The following EPB41L4B variants were observed in gnomAD, a reference collection of about 807,000 sequenced individuals.
EPB41L4B encodes the protein band 4.1-like protein 4B.
In EPB41L4B, 30 loss-of-function variants were observed where a neutral mutation model predicts 112.5. The observed-to-expected ratio is 0.27, with a 90% CI of 0.20 to 0.36. The LOEUF is 0.36. Among genes scored for constraint, EPB41L4B ranks in the 10% least tolerant of loss-of-function variants. The pLI is 1.00. For synonymous variants in EPB41L4B, 408 were observed against 439.7 expected, an observed-to-expected ratio of 0.93 and a Z score of 0.90; for missense variants, 1,024 against 1,133.3, an observed-to-expected ratio of 0.90 and a Z score of 1.38.
rs1336800223 is a variant in EPB41L4B at position 109,176,704 on chromosome 9, A to C, written c.2488-8T>G. 6.2e-7 allele frequency: 1 copy of C among 1,613,128 alleles called. No individual in the cohort carries two copies. The highest frequency in any genetic ancestry group is 1.3e-5 in the African/African-American group (1 of 75,006). Reference sequence around the variant, plus strand: ...ACTGTCTCTGAAGTCTGCCTGGAGAAGAAACAGGAAAGAGGAGATCAATCT... The same window carrying C: ...ACTGTCTCTGAAGTCTGCCTGGAGACGAAACAGGAAAGAGGAGATCAATCT... On this transcript the variant is annotated splice_polypyrimidine_tract_variant and splice_region_variant and intron_variant, in intron 24 of 25. Coordinates refer to ENST00000374566, the MANE Select transcript of EPB41L4B (RefSeq NM_019114.5).
rs564541975 is a variant in EPB41L4B, at chr9:109,248,199, G to A, written c.1311-410C>T. On this transcript the variant is annotated intron_variant, in intron 13 of 25. Coordinates refer to ENST00000374566, the MANE Select transcript of EPB41L4B (RefSeq NM_019114.5). ...AGTGATGCGCAGAGCCTCTTCCCAC[G>A]GCAGGGGGAGGCACCGATCCCTCCT... is the stretch of plus-strand genomic sequence containing the variant. Among the ~76,000 whole-genome samples, 92 of 152,190 alleles carry A rather than the reference G, an allele frequency of 6.0e-4. 1 individual carries two copies. Among genetic ancestry groups the A allele is most frequent in the Non-Finnish European group, 8.8e-4 (60 of 68,026 alleles).
chr9:109,315,411 G>A (rs771327808), intron 1 of EPB41L4B, among the ~76,000 whole-genome samples: 17 of 152,192 alleles, frequency 1.1e-4, no homozygotes, highest in Non-Finnish European at 1.8e-4. Context: ...TGAACTTTGT[G>A]AACACTGAAG....
intron 15 of EPB41L4B, among the ~76,000 whole-genome samples, chr9:109,242,847 TAAAAAAA>T (rs11292845): frequency 7.9e-6 from 1 of 127,148 alleles, no homozygotes; most frequent in Non-Finnish European, 1.7e-5. Flanking sequence ...AAGCTAGCCT[TAAAAAAA>T]AAAAAAAAAA....
chr9:109,182,866 C>T (rs1011548588), intron 23 of EPB41L4B, 69 bp from the exon 24 acceptor site: 32 of 1,156,436 alleles, frequency 2.8e-5, no homozygotes, highest in Non-Finnish European at 3.8e-5. Context: ...TCTTTGGCAG[C>T]GCACCTTTAA....
At chr9:109,174,932 T>G (rs1831761419) in intron 25 of EPB41L4B, among the ~76,000 whole-genome samples, 1 of 148,876 alleles carries the variant, frequency 6.7e-6, no homozygotes, top group Non-Finnish European at 1.5e-5. Flanking sequence ...TTTTTTTTTT[T>G]TTGAGATGGA....
chr9:109,263,374 GTT>G (rs1169977985), intron 5 of EPB41L4B, among the ~76,000 whole-genome samples: 3 of 152,190 alleles, frequency 2.0e-5, no homozygotes, highest in Non-Finnish European at 4.4e-5. Context: ...GAATGGAAAA[GTT>G]TGGAAAACAG....
At chr9:109,194,475 AG>A (rs1832575187) in intron 20 of EPB41L4B, 78 bp from the exon 21 acceptor site, 4 of 1,416,274 alleles carry the variant, frequency 2.8e-6, no homozygotes, top group Non-Finnish European at 3.9e-6. Flanking sequence ...GAGGATGGGC[AG>A]GGGTGGGAAG....
intron 1 of EPB41L4B, among the ~76,000 whole-genome samples, chr9:109,284,365 C>T (rs1836187978): frequency 6.6e-6 from 1 of 152,104 alleles, no homozygotes; most frequent in South Asian, 2.1e-4. Flanking sequence ...AATTGGAAAC[C>T]ATCTATATTA....
At chr9:109,258,424 C>T (rs1011371297) in intron 6 of EPB41L4B, 127 bp from the exon 7 acceptor site, 4 of 980,144 alleles carry the variant, frequency 4.1e-6, no homozygotes, top group Non-Finnish European at 6.0e-6. Context: ...ATAACTCTCT[C>T]CTTTCGGGAA....
intron 15 of EPB41L4B, among the ~76,000 whole-genome samples, chr9:109,238,851 G>GT (rs1435542339): frequency 6.6e-6 from 1 of 152,230 alleles, no homozygotes; most frequent in Non-Finnish European, 1.5e-5. Flanking sequence ...ACAGATGTGA[G>GT]TAACAGCAGG....
rs1832237337 is a variant in EPB41L4B, at chr9:109,185,722, A to G, written c.2302-117T>C. The G allele has an allele frequency of 5.6e-6, 4 of 713,402 alleles. No individual in the cohort carries two copies. In the Admixed American group the frequency reaches 1.3e-4, roughly 23 times the overall value. The allele number at this position is 713,402 out of a possible 1,614,324, so 44.2% of individuals were successfully genotyped here. The stretch of plus-strand genomic sequence containing the variant: ...CAGCACAGTGCAAGACAGATCTGGC[A>G]ACTCCAGACTGTTCTCAAGCCAGCC... On this transcript the variant is annotated intron_variant, in intron 22 of 25. Transcript: ENST00000374566.
chr9:109,242,971 G>A (rs537127356), intron 15 of EPB41L4B, among the ~76,000 whole-genome samples: 2 of 151,572 alleles, frequency 1.3e-5, no homozygotes, highest in East Asian at 3.9e-4. Flanking sequence ...GGCAGCCCTC[G>A]GCCCAATCCC....
intron 17 of EPB41L4B, among the ~76,000 whole-genome samples, chr9:109,210,404 G>A (rs894447397): frequency 3.3e-4 from 50 of 152,206 alleles, no homozygotes; most frequent in African/African-American, 1.2e-3. Context: ...TGGCATACAG[G>A]AGTCAAATTG....
chr9:109,286,429 T>C (rs1836282014), intron 1 of EPB41L4B, among the ~76,000 whole-genome samples: 1 of 152,182 alleles, frequency 6.6e-6, no homozygotes, highest in Non-Finnish European at 1.5e-5. Flanking sequence ...AACAAGCACC[T>C]AGGGAACTGT....
intron 1 of EPB41L4B, among the ~76,000 whole-genome samples, chr9:109,286,810 C>A (rs1588210975): frequency 6.6e-6 from 1 of 152,314 alleles, no homozygotes; most frequent in Non-Finnish European, 1.5e-5. Context: ...TCCCTCCCTG[C>A]CTTCTTAAGC....
In EPB41L4B at chr9:109,268,770, G is replaced by A. The variant is rs148637978; in HGVS notation, c.412-337C>T. Among the ~76,000 whole-genome samples, 1,131 of 151,944 alleles carry A rather than the reference G, an allele frequency of 7.4e-3. 11 individuals carry two copies. Among genetic ancestry groups the A allele is most frequent in the African/African-American group, 0.026 (1,086 of 41,424 alleles). ...AAATTAGCCGGGCATGGTGGCGCGC[G>A]CCTGTAGTCCCAGCTACATGGGAGG... On this transcript the variant is annotated intron_variant, in intron 2 of 25. Transcript: ENST00000374566.
chr9:109,199,546 GTAAT>G (rs1832752670), intron 20 of EPB41L4B, among the ~76,000 whole-genome samples: 1 of 152,242 alleles, frequency 6.6e-6, no homozygotes, highest in South Asian at 2.1e-4. Flanking sequence ...GCTTATACCT[GTAAT>G]CCCAACTACT....
chr9:109,235,276 T>G (rs187037334), intron 15 of EPB41L4B, among the ~76,000 whole-genome samples: 5 of 152,274 alleles, frequency 3.3e-5, no homozygotes, highest in Admixed American at 2.6e-4. Context: ...ATATATGTGT[T>G]AATGCTCTTA....
chr9:109,191,713 GT>G lies in EPB41L4B; in HGVS notation c.2301+564del, dbSNP rs950191414. On this transcript the variant is annotated intron_variant, in intron 22 of 25. Transcript: ENST00000374566. Reference sequence around the variant, plus strand: ...TCATCACTCTTGTCAAAGCCACCATGTTTTTTTTTTGGAAATTGACCCTAAT... The same window carrying G: ...TCATCACTCTTGTCAAAGCCACCATGTTTTTTTTTGGAAATTGACCCTAAT... Among the ~76,000 whole-genome samples the G allele has an allele frequency of 8.0e-5, 12 of 149,490 alleles. 1 individual carries two copies. The highest frequency in any genetic ancestry group is 3.5e-3 in the Middle Eastern group (1 of 286).
Sources: gnomAD v4.1 joint callset for allele counts (sites outside exome capture counted in the v4.1 genomes callset) on GRCh38, gnomAD v4.1.1 for gene constraint, MANE v1.5 for transcripts, NCBI Gene and HGNC (gene_info 2026-07-23, HGNC 2026-07-21) for gene names.